DNER: variants seen among roughly 807,000 people sequenced by gnomAD.
DNER encodes delta/notch like EGF repeat containing.
DNER carries 33 observed loss-of-function variants against 78.2 expected under a neutral mutation model. The ratio of observed to expected loss-of-function variants is 0.42; its 90% CI spans 0.32 to 0.56. The LOEUF (loss-of-function observed/expected upper bound fraction) is 0.56, where lower values mean the gene tolerates loss of function less well. Among genes scored for constraint, DNER ranks in the 20% least tolerant of loss-of-function variants. DNER has a pLI of 0.11. For missense variants in DNER, 918 were observed against 975.3 expected, an observed-to-expected ratio of 0.94 and a Z score of 0.78; for synonymous variants, 417 against 384.8, an observed-to-expected ratio of 1.08 and a Z score of -0.98.
At chr2:229,575,407 C>T (rs1697279683) in intron 4 of DNER, among the ~76,000 whole-genome samples, 1 of 152,226 alleles carries the variant, frequency 6.6e-6, no homozygotes, top group African/African-American at 2.4e-5. Context: ...TCCACATGGA[C>T]TCAGACTGGC....
chr2:229,575,029 T>G (rs2154214125), intron 4 of DNER, among the ~76,000 whole-genome samples: 1 of 152,324 alleles, frequency 6.6e-6, no homozygotes, highest in Non-Finnish European at 1.5e-5. Context: ...AGATTTCGGT[T>G]AAAATTCATT....
chr2:229,586,093 A>C, intron 3 of DNER, 69 bp from the exon 4 acceptor site: 1 of 1,504,114 alleles, frequency 6.6e-7, no homozygotes, highest in Non-Finnish European at 8.9e-7. Flanking sequence ...AGTTCTTCAA[A>C]TTAAAAATAA....
At chr2:229,567,195 G>A (rs1376771581) in intron 4 of DNER, among the ~76,000 whole-genome samples, 1 of 152,182 alleles carries the variant, frequency 6.6e-6, no homozygotes, top group Admixed American at 6.5e-5. Context: ...TCCTCCACAA[G>A]GTTGTTATAT....
intron 8 of DNER, among the ~76,000 whole-genome samples, chr2:229,435,272 C>A (rs1490694384): frequency 6.6e-6 from 1 of 152,208 alleles, no homozygotes; most frequent in African/African-American, 2.4e-5. Context: ...CTCCAGCTAA[C>A]TGCCAGCAAT....
At chr2:229,666,554 C>A (rs887627484) in intron 1 of DNER, among the ~76,000 whole-genome samples, 2 of 152,144 alleles carry the variant, frequency 1.3e-5, no homozygotes, top group Non-Finnish European at 2.9e-5. Context: ...TTTTATCTGA[C>A]TTTTATCACA....
At chr2:229,621,743 G>A (rs1210436395) in intron 1 of DNER, among the ~76,000 whole-genome samples, 1 of 152,154 alleles carries the variant, frequency 6.6e-6, no homozygotes. Context: ...TCTTACTTGG[G>A]CCTTTTGAGC....
chr2:229,611,237 C>T (rs556309497), intron 1 of DNER, among the ~76,000 whole-genome samples: 4 of 152,136 alleles, frequency 2.6e-5, no homozygotes, highest in African/African-American at 7.2e-5. Context: ...CAAACAGCTA[C>T]GAAGTCATTT....
intron 5 of DNER, among the ~76,000 whole-genome samples, chr2:229,542,414 C>T (rs1298010185): frequency 6.6e-6 from 1 of 152,002 alleles, no homozygotes; most frequent in Non-Finnish European, 1.5e-5. Context: ...CCCATCAGCT[C>T]GGGATTGTGA....
At chr2:229,702,834 G>A (rs1055697863) in intron 1 of DNER, among the ~76,000 whole-genome samples, 6 of 149,276 alleles carry the variant, frequency 4.0e-5, no homozygotes, top group Non-Finnish European at 7.4e-5. Flanking sequence ...GGAGAACGGT[G>A]TGAACACGGG....
chr2:229,673,290 GAGA>G (rs2154216882), intron 1 of DNER, among the ~76,000 whole-genome samples: 1 of 152,192 alleles, frequency 6.6e-6, no homozygotes, highest in Admixed American at 6.5e-5. Context: ...GGAAACTGCT[GAGA>G]AGAAGGCACG....
intron 4 of DNER, among the ~76,000 whole-genome samples, chr2:229,549,056 A>T (rs527731108): frequency 6.6e-6 from 1 of 152,174 alleles, no homozygotes; most frequent in Admixed American, 6.5e-5. Context: ...TTATACTTAT[A>T]TAAATATTGA....
chr2:229,628,355 C>T (rs1490267524), intron 1 of DNER, among the ~76,000 whole-genome samples: 4 of 152,138 alleles, frequency 2.6e-5, no homozygotes, highest in Admixed American at 6.5e-5. Context: ...GAGCCCTTTC[C>T]GAATGTCCAA....
At chr2:229,377,463 T>A (rs547286352) in intron 11 of DNER, among the ~76,000 whole-genome samples, 1 of 152,360 alleles carries the variant, frequency 6.6e-6, no homozygotes, top group South Asian at 2.1e-4. Context: ...CCTTTTATTA[T>A]AATTCAGAAA....
chr2:229,520,616 C>T (rs1444891401), intron 5 of DNER, among the ~76,000 whole-genome samples: 1 of 152,066 alleles, frequency 6.6e-6, no homozygotes, highest in African/African-American at 2.4e-5. Context: ...ATAAAACAAA[C>T]ATTTTTTTTT....
chr2:229,530,547 A>G (rs1324125546), intron 5 of DNER, among the ~76,000 whole-genome samples: 1 of 152,246 alleles, frequency 6.6e-6, no homozygotes, highest in African/African-American at 2.4e-5. Flanking sequence ...AGTCACACAG[A>G]AGAGAGATGA....
chr2:229,363,080 A>G (rs1405038516), intron 12 of DNER, among the ~76,000 whole-genome samples: 2 of 152,156 alleles, frequency 1.3e-5, no homozygotes, highest in Non-Finnish European at 2.9e-5. Flanking sequence ...GAACTTGGAG[A>G]ACCCTGGCTT....
At chr2:229,599,407 A>G (rs1369435574) in intron 1 of DNER, among the ~76,000 whole-genome samples, 1 of 151,030 alleles carries the variant, frequency 6.6e-6, no homozygotes, top group African/African-American at 2.4e-5. Context: ...TTTTCTCAAC[A>G]TTGGTACTTT....
chr2:229,639,688 T>C (rs1559191785), intron 1 of DNER, among the ~76,000 whole-genome samples: 1 of 152,104 alleles, frequency 6.6e-6, no homozygotes, highest in Admixed American at 6.6e-5. Context: ...TCTGGAAAAA[T>C]AGCTAAGAGC....
chr2:229,578,094 G>C (rs1697333091), intron 4 of DNER, among the ~76,000 whole-genome samples: 2 of 152,204 alleles, frequency 1.3e-5, no homozygotes, highest in African/African-American at 4.8e-5. Flanking sequence ...GCTCTTCACA[G>C]TACCAAGAGG....
Sources: gnomAD v4.1 joint callset for allele counts (sites outside exome capture counted in the v4.1 genomes callset) on GRCh38, gnomAD v4.1.1 for gene constraint, MANE v1.5 for transcripts, NCBI Gene and HGNC (gene_info 2026-07-23, HGNC 2026-07-21) for gene names.